The following CLYBL variants were observed in gnomAD, a reference collection of about 807,000 sequenced individuals.
The protein encoded by CLYBL is citramalyl-CoA lyase.
In CLYBL, 31 loss-of-function variants were observed where a neutral mutation model predicts 38.9. The observed-to-expected ratio is 0.80, with a 90% CI of 0.60 to 1.08. The LOEUF is 1.08. Among genes scored for constraint, CLYBL ranks in the 50% least tolerant of loss-of-function variants. The pLI, the probability that CLYBL is intolerant of heterozygous loss-of-function variation, is 0.00. For synonymous variants in CLYBL, 171 were observed against 158.6 expected, an observed-to-expected ratio of 1.08 and a Z score of -0.59; for missense variants, 434 against 411.6, an observed-to-expected ratio of 1.05 and a Z score of -0.47.
intron 1 of CLYBL, among the ~76,000 whole-genome samples, chr13:99,622,802 A>T (rs1291684408): frequency 1.3e-5 from 1 of 76,480 alleles, no homozygotes; most frequent in Non-Finnish European, 3.4e-5. Context: ...TTTATTTTTT[A>T]AATTAAATTT....
intron 2 of CLYBL, among the ~76,000 whole-genome samples, chr13:99,780,455 A>C (rs2049618690): frequency 6.6e-6 from 1 of 152,076 alleles, no homozygotes; most frequent in Admixed American, 6.6e-5. Flanking sequence ...ATCTCGGCTC[A>C]CTGCAAGCTC....
chr13:99,724,801 T>C (rs888848351), intron 1 of CLYBL, among the ~76,000 whole-genome samples: 1 of 152,168 alleles, frequency 6.6e-6, no homozygotes, highest in African/African-American at 2.4e-5. Context: ...TCAGGAACAA[T>C]CTTCAAAATC....
rs180705094 is a variant in CLYBL, at chr13:99,833,144, C to T, written c.250-25717C>T. 3.9e-3 allele frequency among the ~76,000 whole-genome samples: 569 copies of T among 144,668 alleles called. 5 individuals are homozygous for T. The highest frequency in any genetic ancestry group is 0.014 in the African/African-American group (543 of 38,542). 94.9% of individuals were successfully genotyped at this position (144,668 alleles called of 152,430 possible). ...GCAACCTCCACCTCCCAGGTTCAAG[C>T]GATTCTCCTGCCTCAGCCTCCCAAG... On this transcript the variant is annotated intron_variant, in intron 2 of 8. Transcript: ENST00000339105.
chr13:99,821,988 C>T (rs1245305603), intron 2 of CLYBL, among the ~76,000 whole-genome samples: 1 of 152,190 alleles, frequency 6.6e-6, no homozygotes, highest in Admixed American at 6.5e-5. Context: ...GGAACTCTGC[C>T]ACCTAATTTA....
chr13:99,800,595 C>G (rs2050112104), intron 2 of CLYBL, among the ~76,000 whole-genome samples: 1 of 152,198 alleles, frequency 6.6e-6, no homozygotes, highest in Non-Finnish European at 1.5e-5. Flanking sequence ...ATTGTTTGGC[C>G]GGGTTTGGTA....
intron 1 of CLYBL, among the ~76,000 whole-genome samples, chr13:99,620,834 AAGAAAAAG>A (rs1168526903): frequency 4.2e-5 from 5 of 118,006 alleles, no homozygotes; most frequent in Admixed American, 7.9e-5. Flanking sequence ...GAAAGAAAGA[AAGAAAAAG>A]AAAGAAAGAA....
At chr13:99,657,951 C>T (rs1010237737) in intron 1 of CLYBL, among the ~76,000 whole-genome samples, 1 of 152,230 alleles carries the variant, frequency 6.6e-6, no homozygotes, top group Non-Finnish European at 1.5e-5. Flanking sequence ...CATGTTTCCT[C>T]GCAGTCCGGG....
At chr13:99,882,607 T>C (rs1204830098) in intron 7 of CLYBL, among the ~76,000 whole-genome samples, 2 of 151,814 alleles carry the variant, frequency 1.3e-5, no homozygotes, top group East Asian at 1.9e-4. Flanking sequence ...AAGGCTACGA[T>C]GAGCTGTGAT....
At chr13:99,716,422 C>T (rs533171837) in intron 1 of CLYBL, among the ~76,000 whole-genome samples, 20 of 143,774 alleles carry the variant, frequency 1.4e-4, no homozygotes, top group African/African-American at 3.7e-4. Flanking sequence ...TAGAGTCTGT[C>T]GCCCAGACTG....
chr13:99,890,219 C>A (rs919595412), intron 7 of CLYBL, among the ~76,000 whole-genome samples: 36 of 152,288 alleles, frequency 2.4e-4, no homozygotes, highest in Admixed American at 8.5e-4. Context: ...TCAGCCCCAG[C>A]TCTGGCTTTC....
chr13:99,771,563 G>A (rs1246022303), intron 1 of CLYBL, among the ~76,000 whole-genome samples: 1 of 152,150 alleles, frequency 6.6e-6, no homozygotes, highest in Non-Finnish European at 1.5e-5. Context: ...GATTATGGGA[G>A]CTGATTTCAT....
rs762964181 is a variant in CLYBL at position 99,862,995 on chromosome 13, C to T, written c.443C>T (p.Ala148Val). 1.3e-5 allele frequency: 21 copies of T among 1,599,690 alleles called. No individual in the cohort carries two copies. The highest frequency in any genetic ancestry group is 1.8e-5 in the Non-Finnish European group (21 of 1,169,792). ...CTATGACACTTCTGATTTTAGTTTG[C>T]AGACAAATTTTCATTCCACTTAAAA... Reference protein sequence around the residue: ...VESPEEIQWFADKFSFHLKGR... With the variant: ...VESPEEIQWFVDKFSFHLKGR... Residue 148 changes from alanine to valine, a missense_variant, in exon 4 of 9, where the codon GCA (alanine) becomes GTA (valine). Transcript: ENST00000339105.
chr13:99,663,239 A>G (rs563228865), intron 1 of CLYBL, among the ~76,000 whole-genome samples: 7 of 152,364 alleles, frequency 4.6e-5, no homozygotes, highest in African/African-American at 1.7e-4. Flanking sequence ...AGTGTCTGAA[A>G]CTGGAGCAAA....
chr13:99,905,360 T>C (rs1249103590), exon 9 of CLYBL, among the ~76,000 whole-genome samples: 6 of 152,252 alleles, frequency 3.9e-5, no homozygotes, highest in Non-Finnish European at 8.8e-5. Flanking sequence ...CGTCCATTGA[T>C]CTGCCCTCCA....
At chr13:99,806,804 C>G (rs1232632197) in intron 2 of CLYBL, among the ~76,000 whole-genome samples, 1 of 152,338 alleles carries the variant, frequency 6.6e-6, no homozygotes, top group East Asian at 1.9e-4. Flanking sequence ...ACCTCTTACC[C>G]TTGGGTAGTT....
At chr13:99,665,674 A>T (rs917569736) in intron 1 of CLYBL, among the ~76,000 whole-genome samples, 3 of 152,166 alleles carry the variant, frequency 2.0e-5, no homozygotes, top group African/African-American at 7.2e-5. Flanking sequence ...ACACTCTGAG[A>T]ATCGAATCGA....
intron 1 of CLYBL, among the ~76,000 whole-genome samples, chr13:99,770,331 T>A (rs549331158): frequency 2.6e-5 from 4 of 152,088 alleles, no homozygotes; most frequent in African/African-American, 9.6e-5. Flanking sequence ...GTTTGTTTGT[T>A]TTTTGAGACG....
intron 2 of CLYBL, among the ~76,000 whole-genome samples, chr13:99,805,636 G>A (rs1017543113): frequency 6.6e-6 from 1 of 152,098 alleles, no homozygotes; most frequent in East Asian, 1.9e-4. Flanking sequence ...GGATTATTTC[G>A]AGGTGCTTTT....
intron 2 of CLYBL, among the ~76,000 whole-genome samples, chr13:99,818,480 CACACGG>C (rs1422947852): frequency 2.7e-5 from 4 of 149,876 alleles, no homozygotes; most frequent in African/African-American, 9.8e-5. Context: ...CACACACACA[CACACGG>C]ACACACACTG....
Sources: gnomAD v4.1 joint callset for allele counts (sites outside exome capture counted in the v4.1 genomes callset) on GRCh38, gnomAD v4.1.1 for gene constraint, MANE v1.5 for transcripts, NCBI Gene and HGNC (gene_info 2026-07-23, HGNC 2026-07-21) for gene names.